Variants in BMPER observed in about 807,000 individuals in gnomAD.
BMPER encodes the protein BMP binding endothelial regulator.
BMPER carries 45 observed loss-of-function variants against 87.3 expected under a neutral mutation model. That is an observed-to-expected ratio of 0.52 (90% CI 0.41 to 0.66). The LOEUF is 0.66. Among genes scored for constraint, BMPER ranks in the 30% least tolerant of loss-of-function variants. The pLI is 0.00. For missense variants in BMPER, 784 were observed against 867.5 expected, an observed-to-expected ratio of 0.90 and a Z score of 1.21; for synonymous variants, 326 against 316.2, an observed-to-expected ratio of 1.03 and a Z score of -0.33.
chr7:34,023,867 C>T (rs1787264698), intron 6 of BMPER, among the ~76,000 whole-genome samples: 2 of 151,916 alleles, frequency 1.3e-5, no homozygotes, highest in South Asian at 4.2e-4. Context: ...TGTCTTTATT[C>T]ACTTAATGAA....
chr7:33,990,638 A>T (rs1786182420), intron 6 of BMPER, among the ~76,000 whole-genome samples: 1 of 151,448 alleles, frequency 6.6e-6, no homozygotes, highest in Non-Finnish European at 1.5e-5. Flanking sequence ...CCTGGCCAGA[A>T]CTTCCAAAAC....
chr7:33,963,975 T>C (rs1440844526), intron 3 of BMPER, among the ~76,000 whole-genome samples: 2 of 152,214 alleles, frequency 1.3e-5, no homozygotes, highest in Non-Finnish European at 2.9e-5. Flanking sequence ...AGATATTGTC[T>C]GTTTACCCTA....
intron 14 of BMPER, among the ~76,000 whole-genome samples, chr7:34,150,178 G>A (rs190146256): frequency 8.4e-4 from 128 of 152,180 alleles, no homozygotes; most frequent in Non-Finnish European, 1.6e-3. Context: ...AGGTAGAAGA[G>A]GTTGGGAAAT....
In BMPER at chr7:33,916,134, T is replaced by C. The variant is rs138774291; in HGVS notation, c.219+9231T>C. On this transcript the variant is annotated intron_variant, in intron 2 of 14. Transcript: ENST00000649409. ...TGTCAACACCTATGAAATGTGTTTA[T>C]TCTGAATTTTTCTCAGGGTAGACAA... Among the ~76,000 whole-genome samples, 166 of 152,348 alleles carry C rather than the reference T, an allele frequency of 1.1e-3. 1 individual carries two copies. Among genetic ancestry groups the C allele is most frequent in the Middle Eastern group, 6.8e-3 (2 of 294 alleles).
At chr7:34,027,817 C>G (rs2127949400) in intron 6 of BMPER, among the ~76,000 whole-genome samples, 1 of 152,172 alleles carries the variant, frequency 6.6e-6, no homozygotes, top group Admixed American at 6.6e-5. Context: ...GTGAGCTTGA[C>G]AGCTCTGTAA....
intron 6 of BMPER, among the ~76,000 whole-genome samples, chr7:33,994,560 A>C (rs1427842342): frequency 2.0e-5 from 3 of 152,180 alleles, no homozygotes; most frequent in Non-Finnish European, 4.4e-5. Flanking sequence ...CTCAGATGGA[A>C]ATGCAGAAAT....
At chr7:33,954,480 G>C (rs2128614227) in intron 3 of BMPER, among the ~76,000 whole-genome samples, 2 of 152,288 alleles carry the variant, frequency 1.3e-5, no homozygotes, top group South Asian at 4.1e-4. Context: ...GACCACGGTG[G>C]AAGTATTCAT....
intron 13 of BMPER, among the ~76,000 whole-genome samples, chr7:34,096,924 AG>A (rs1234468085): frequency 2.6e-5 from 4 of 152,376 alleles, no homozygotes; most frequent in African/African-American, 9.6e-5. Flanking sequence ...ATAAGACACC[AG>A]GCACTGTTCA....
At chr7:34,082,735 T>G (rs1424091297) in intron 12 of BMPER, among the ~76,000 whole-genome samples, 1 of 152,184 alleles carries the variant, frequency 6.6e-6, no homozygotes, top group Admixed American at 6.5e-5. Flanking sequence ...TGAACTCAGT[T>G]GCCCCAAGTC....
At chr7:33,907,024 C>T in intron 2 of BMPER, 121 bp downstream of exon 2, 4 of 958,820 alleles carry the variant, frequency 4.2e-6, no homozygotes, top group Non-Finnish European at 1.6e-6. Context: ...TTGCACATAA[C>T]TGTACATAGT....
chr7:33,950,487 A>G (rs1315757127), intron 3 of BMPER, among the ~76,000 whole-genome samples: 2 of 152,074 alleles, frequency 1.3e-5, no homozygotes, highest in Non-Finnish European at 2.9e-5. Context: ...TGCAATTAAG[A>G]TGTCATCCAG....
chr7:33,937,649 G>T, intron 3 of BMPER: 1 of 483,730 alleles, frequency 2.1e-6, no homozygotes, highest in Non-Finnish European at 3.8e-6. Context: ...TTCTAAGGCA[G>T]GTTGTTAAAA....
In BMPER at chr7:33,920,900, A is replaced by C. The variant is rs549093386; in HGVS notation, c.219+13997A>C. On this transcript the variant is annotated intron_variant, in intron 2 of 14. Transcript: ENST00000649409. ...ACAGTTGAAATTCTGTTATTGGTGTAAAACTTTATAATAGGTCAACTACCG... is the reference window on the plus strand; with the variant it reads ...ACAGTTGAAATTCTGTTATTGGTGTCAAACTTTATAATAGGTCAACTACCG... Among the ~76,000 whole-genome samples, 5 of 152,316 alleles carry C rather than the reference A, an allele frequency of 3.3e-5. No individual in the cohort carries two copies. In the South Asian group the frequency reaches 1.0e-3, roughly 32 times the overall value.
chr7:34,079,021 T>G lies in BMPER; in HGVS notation c.1243T>G (p.Phe415Val). Reference protein sequence around the residue: ...VKNDARRTRSFSWTKSVELVL... With the variant: ...VKNDARRTRSVSWTKSVELVL... The stretch of plus-strand genomic sequence containing the variant: ...GAACGACGCCCGCCGGACACGCTCC[T>G]TCTCGTGGACCAAGTCGGTGGAGCT... The change falls in exon 12 of 15, where the codon TTC becomes GTC. Residue 415 changes from phenylalanine (F) to valine (V), a missense_variant. Coordinates refer to ENST00000649409, the MANE Select transcript of BMPER (RefSeq NM_001365308.1). The G allele has an allele frequency of 6.2e-7, 1 of 1,614,226 alleles. No homozygotes were observed. Among genetic ancestry groups the G allele is most frequent in the South Asian group, 1.1e-5 (1 of 91,090 alleles).
chr7:33,955,181 G>T (rs775111572), intron 3 of BMPER, among the ~76,000 whole-genome samples: 3 of 152,228 alleles, frequency 2.0e-5, no homozygotes, highest in Non-Finnish European at 2.9e-5. Context: ...ACAGGCGTAA[G>T]CCACTGTGCC....
At chr7:34,002,813 A>G (rs900408279) in intron 6 of BMPER, among the ~76,000 whole-genome samples, 2 of 151,388 alleles carry the variant, frequency 1.3e-5, no homozygotes, top group South Asian at 4.1e-4. Context: ...TTGTTTGATG[A>G]TAGTATAGTC....
intron 4 of BMPER, among the ~76,000 whole-genome samples, chr7:33,968,254 A>G (rs1007520944): frequency 6.6e-6 from 1 of 152,192 alleles, no homozygotes; most frequent in Non-Finnish European, 1.5e-5. Flanking sequence ...TAGCTAGGAT[A>G]ATATTTTATT....
At chr7:34,074,854 A>G (rs1004653436) in intron 11 of BMPER, among the ~76,000 whole-genome samples, 2 of 152,370 alleles carry the variant, frequency 1.3e-5, no homozygotes, top group East Asian at 3.9e-4. Flanking sequence ...AATTATCGTA[A>G]CTATGTTCAA....
chr7:34,138,912 A>G (rs1282848637), intron 13 of BMPER, among the ~76,000 whole-genome samples: 1 of 152,222 alleles, frequency 6.6e-6, no homozygotes, highest in Non-Finnish European at 1.5e-5. Flanking sequence ...CCCAGAAGTG[A>G]TAAAATTCTG....
Sources: allele counts gnomAD v4.1 joint callset (sites outside exome capture counted in the v4.1 genomes callset), GRCh38; gene constraint gnomAD v4.1.1; transcripts MANE v1.5; gene names NCBI Gene and HGNC (gene_info 2026-07-23, HGNC 2026-07-21).